Variants in FOCAD observed in about 807,000 individuals in gnomAD.
FOCAD encodes the protein KIAA1797.
In FOCAD, 198 loss-of-function variants were observed where a neutral mutation model predicts 225.6. The observed-to-expected ratio is 0.88, with a 90% CI of 0.78 to 0.99. The LOEUF (loss-of-function observed/expected upper bound fraction) is 0.99. Ranked by LOEUF, FOCAD falls within the 50% of genes least tolerant of loss-of-function variation. FOCAD has a pLI of 0.00. For synonymous variants in FOCAD, 897 were observed against 755.0 expected (o/e 1.19, Z -3.08); for missense variants, 2,713 against 2,123.6 (o/e 1.28, Z -5.46).
chr9:20,872,750 C>T (rs1829902560), intron 18 of FOCAD: 1 of 152,048 alleles, frequency 6.6e-6, no homozygotes, highest in East Asian at 1.9e-4. Flanking sequence ...AATCACAGAG[C>T]AACCACAATC....
rs1587432767 is a variant in FOCAD, at chr9:20,862,475, T to A, written c.1921-103T>A. On this transcript the variant is annotated intron_variant, in intron 15 of 43. Transcript: ENST00000338382. ...TCCTATCTTCTAGGCATAGTCTTATTTGTTTCTTAAGTTTCCTTATAATAA... is the reference window on the plus strand; with the variant it reads ...TCCTATCTTCTAGGCATAGTCTTATATGTTTCTTAAGTTTCCTTATAATAA... The A allele has an allele frequency of 6.1e-6, 8 of 1,308,496 alleles. No homozygotes were observed. The East Asian group carries it at 1.9e-4, about 32-fold the overall frequency. The allele number at this position is 1,308,496 out of a possible 1,614,324, so 81.1% of individuals were successfully genotyped here. A position where few individuals can be genotyped will look rare whatever the true frequency, so the allele number is the denominator to read the frequency against.
chr9:20,820,049 A>G (rs570945315), intron 12 of FOCAD, 149 bp downstream of exon 12: 18 of 519,604 alleles, frequency 3.5e-5, no homozygotes, highest in Middle Eastern at 4.7e-4. Flanking sequence ...TAAAGACAAA[A>G]GTATTTATTA....
intron 21 of FOCAD, among the ~76,000 whole-genome samples, chr9:20,896,586 T>C (rs1018425138): frequency 6.6e-6 from 1 of 151,892 alleles, no homozygotes; most frequent in African/African-American, 2.4e-5. Flanking sequence ...ATGTGAGTTT[T>C]AGCAGATTGT....
chr9:20,739,706 G>A (rs915018233), intron 4 of FOCAD, among the ~76,000 whole-genome samples: 1 of 151,922 alleles, frequency 6.6e-6, no homozygotes, highest in Admixed American at 6.6e-5. Context: ...AAGAAAGGCA[G>A]CCTATTTTTC....
At chr9:20,937,712 G>A (rs10811432) in intron 28 of FOCAD, among the ~76,000 whole-genome samples, 111,004 of 151,452 alleles carry the variant, frequency 0.73, 40,912 homozygotes, top group East Asian at 0.94. Flanking sequence ...TGTCAAGAAA[G>A]GCCAAAATTG....
intron 41 of FOCAD, 109 bp from the exon 42 acceptor site, chr9:20,990,014 G>T: frequency 7.7e-7 from 1 of 1,305,030 alleles, no homozygotes; most frequent in Non-Finnish European, 1.1e-6. Flanking sequence ...GGACTGGTTG[G>T]GTGAAGGGGA....
At chr9:20,934,063 T>G (rs1835728948) in intron 28 of FOCAD, among the ~76,000 whole-genome samples, 1 of 152,206 alleles carries the variant, frequency 6.6e-6, no homozygotes, top group African/African-American at 2.4e-5. Context: ...TGTTTGTTTT[T>G]GTCTTGCTAA....
Position 20,939,458 on chromosome 9 carries a change from C to T in FOCAD, c.3408-5169C>T, listed in dbSNP as rs1587671964. On this transcript the variant is annotated intron_variant, in intron 28 of 43. Coordinates refer to ENST00000338382, the MANE Select transcript of FOCAD (RefSeq NM_001375567.1). The stretch of plus-strand genomic sequence containing the variant: ...GGGAAAAAATGTGAGATTAAGATGC[C>T]GCCAACTTTAGCCAGTGGCACAGTC... 2.6e-5 allele frequency among the ~76,000 whole-genome samples: 4 copies of T among 152,030 alleles called. No individual in the cohort carries two copies. In the South Asian group the frequency reaches 6.2e-4, roughly 24 times the overall value.
rs117427173 is a variant in FOCAD, at chr9:20,801,864, C to T, written c.1455+12256C>T. On this transcript the variant is annotated intron_variant, in intron 11 of 43. Coordinates refer to ENST00000338382, the MANE Select transcript of FOCAD (RefSeq NM_001375567.1). ...TGGTGGATTTGGTGGGAAAAGTCAA[C>T]CCCAGAATGCCTCAAGTTGGACACC... 7.4e-4 allele frequency among the ~76,000 whole-genome samples: 112 copies of T among 152,210 alleles called. 2 individuals carry two copies. In the East Asian group the frequency reaches 0.015, roughly 21 times the overall value.
At chr9:20,832,018 G>A (rs2131503690) in intron 15 of FOCAD, among the ~76,000 whole-genome samples, 1 of 152,182 alleles carries the variant, frequency 6.6e-6, no homozygotes, top group African/African-American at 2.4e-5. Context: ...GTGGCAACAT[G>A]TATCAATACT....
intron 8 of FOCAD, among the ~76,000 whole-genome samples, chr9:20,776,509 G>C (rs1053074715): frequency 4.6e-5 from 7 of 152,192 alleles, no homozygotes; most frequent in Non-Finnish European, 7.3e-5. Context: ...AGCAGTTTAA[G>C]ATTTATGTGG....
At chr9:20,809,837 A>G (rs771040126) in intron 11 of FOCAD, among the ~76,000 whole-genome samples, 1 of 152,078 alleles carries the variant, frequency 6.6e-6, no homozygotes, top group African/African-American at 2.4e-5. Context: ...TGATGGCTGG[A>G]TATGTAACTC....
chr9:20,754,377 G>A (rs1587026149), intron 5 of FOCAD, among the ~76,000 whole-genome samples: 1 of 152,156 alleles, frequency 6.6e-6, no homozygotes, highest in East Asian at 1.9e-4. Flanking sequence ...GTTTTCCAAA[G>A]GAATAATTTT....
rs1171260109 is a variant in FOCAD, at chr9:20,929,406, G to C, written c.3127G>C (p.Ala1043Pro). ...NTASAIARSA[A>P]ATALSLLVPV... is the part of the protein sequence containing the mutation. ...AGCTAGTGCCATTGCCCGTTCTGCT[G>C]CCGCCACGGCTTTGTCTCTCCTTGT... Residue 1043 changes from alanine to proline, a missense_variant, in exon 27 of 44, where the codon GCC becomes CCC. Coordinates refer to ENST00000338382, the MANE Select transcript of FOCAD (RefSeq NM_001375567.1). 3.1e-6 allele frequency: 5 copies of C among 1,613,928 alleles called. No homozygotes were observed. The highest frequency in any genetic ancestry group is 4.2e-6 in the Non-Finnish European group (5 of 1,180,016).
Position 20,990,108 on chromosome 9 carries a change from C to G in FOCAD, c.5005-15C>G, listed in dbSNP as rs750728056. 2 of 1,613,266 alleles carry G rather than the reference C, an allele frequency of 1.2e-6. No individual in the cohort carries two copies. The highest frequency in any genetic ancestry group is 1.7e-5 in the Admixed American group (1 of 59,984). ...TAAAAAATATGACCTAACGTCATTT[C>G]TATTTTCATCGTAGGCTTTGGACTT... On this transcript the variant is annotated splice_polypyrimidine_tract_variant and intron_variant, in intron 41 of 43. Coordinates refer to ENST00000338382, the MANE Select transcript of FOCAD (RefSeq NM_001375567.1).
At chr9:20,759,901 A>G (rs1460420880) in intron 6 of FOCAD, among the ~76,000 whole-genome samples, 1 of 152,208 alleles carries the variant, frequency 6.6e-6, no homozygotes, top group Admixed American at 6.5e-5. Flanking sequence ...GAAAACTGCC[A>G]TTTGAGATAA....
In FOCAD at chr9:20,715,452, CCTGTT is replaced by C. The variant is rs1474430977; in HGVS notation, c.57+47_57+51del. On this transcript the variant is annotated intron_variant, in intron 2 of 43. Coordinates refer to ENST00000338382, the MANE Select transcript of FOCAD (RefSeq NM_001375567.1). ...ATTTTTGCTCATGGTAACAAATAAA[CCTGTT>C]CTGTGGATTTTTAACTGAACTTTAT... 7 of 1,237,550 alleles carry C rather than the reference CCTGTT, an allele frequency of 5.7e-6. 1 individual carries two copies. In the East Asian group the frequency reaches 1.3e-4, roughly 24 times the overall value. 76.7% of individuals were successfully genotyped at this position (1,237,550 alleles called of 1,614,324 possible).
chr9:20,699,696 C>CCA (rs912501123), intron 1 of FOCAD, among the ~76,000 whole-genome samples: 4 of 126,934 alleles, frequency 3.2e-5, no homozygotes, highest in African/African-American at 1.2e-4. Context: ...CGAGATCGTG[C>CCA]CACTGCTCTC....
chr9:20,983,805 A>C (rs2132647382), intron 39 of FOCAD, among the ~76,000 whole-genome samples: 1 of 152,214 alleles, frequency 6.6e-6, no homozygotes, highest in African/African-American at 2.4e-5. Flanking sequence ...TATGACTTAG[A>C]GCTCTTTTGA....
Sources: gnomAD v4.1 joint callset for allele counts (sites outside exome capture counted in the v4.1 genomes callset) on GRCh38, gnomAD v4.1.1 for gene constraint, MANE v1.5 for transcripts, NCBI Gene and HGNC (gene_info 2026-07-23, HGNC 2026-07-21) for gene names.